Variants in DCLK1 observed in about 807,000 individuals in gnomAD.
DCLK1 encodes serine/threonine-protein kinase DCLK1.
In DCLK1, 16 loss-of-function variants were observed where a neutral mutation model predicts 86.2. The ratio of observed to expected loss-of-function variants is 0.19; its 90% CI spans 0.13 to 0.28. DCLK1 has a LOEUF of 0.28. Ranked by LOEUF, DCLK1 falls within the 10% of genes least tolerant of loss-of-function variation. The pLI, the probability that DCLK1 is intolerant of heterozygous loss-of-function variation, is 1.00. For missense variants in DCLK1, 590 were observed against 940.2 expected, an observed-to-expected ratio of 0.63 and a Z score of 4.87; for synonymous variants, 369 against 370.5, an observed-to-expected ratio of 1.00 and a Z score of 0.05.
intron 4 of DCLK1, among the ~76,000 whole-genome samples, chr13:35,888,192 T>A (rs1459888693): frequency 6.6e-6 from 1 of 152,188 alleles, no homozygotes; most frequent in Non-Finnish European, 1.5e-5. Context: ...TGACTTTCCT[T>A]TTAATGAGAA....
intron 11 of DCLK1, among the ~76,000 whole-genome samples, chr13:35,812,621 C>G (rs1227112021): frequency 4.6e-5 from 7 of 152,238 alleles, no homozygotes. Context: ...CTGGATCCAA[C>G]AGTTTTGGCA....
Position 36,112,115 on chromosome 13 carries a change from A to G in DCLK1, c.477T>C (p.Ala159=). Residue 159 remains alanine, a synonymous_variant, in exon 3 of 17, where the codon GCT becomes GCC. Transcript: ENST00000360631. ...NWSVNVKTTS[A]SRAVSSLATA... Reference sequence around the variant, plus strand: ...TGGCCAGTGAAGACACTGCCCGAGAAGCCGAGGTGGTCTTGACGTTCACCG... The same window carrying G: ...TGGCCAGTGAAGACACTGCCCGAGAGGCCGAGGTGGTCTTGACGTTCACCG... 6.2e-7 allele frequency: 1 copy of G among 1,614,018 alleles called. No individual in the cohort carries two copies. The highest frequency in any genetic ancestry group is 8.5e-7 in the Non-Finnish European group (1 of 1,179,900).
intron 3 of DCLK1, among the ~76,000 whole-genome samples, chr13:36,001,213 G>A (rs532342659): frequency 3.9e-4 from 60 of 152,292 alleles, no homozygotes; most frequent in Admixed American, 8.5e-4. Flanking sequence ...CTCCCAAAGT[G>A]CTGGGATTAT....
At chr13:35,899,340 T>A (rs900081248) in intron 4 of DCLK1, among the ~76,000 whole-genome samples, 1 of 96,812 alleles carries the variant, frequency 1.0e-5, no homozygotes, top group African/African-American at 3.5e-5. Flanking sequence ...GAAATACAAG[T>A]GTGTGTGTGT....
intron 2 of DCLK1, among the ~76,000 whole-genome samples, chr13:36,122,150 G>C (rs531127832): frequency 6.6e-6 from 1 of 152,248 alleles, no homozygotes; most frequent in South Asian, 2.1e-4. Flanking sequence ...AGGAAAAGAT[G>C]GGTAACCCAG....
intron 13 of DCLK1, 155 bp from the exon 14 acceptor site, chr13:35,808,475 T>A (rs1366548756): frequency 2.8e-6 from 2 of 721,950 alleles, no homozygotes; most frequent in Non-Finnish European, 4.6e-6. Flanking sequence ...GTGGATCTGT[T>A]TTGGTAAATT....
chr13:35,886,858 C>A (rs912076099), intron 4 of DCLK1, among the ~76,000 whole-genome samples: 9 of 152,070 alleles, frequency 5.9e-5, no homozygotes, highest in African/African-American at 2.2e-4. Context: ...TTTAGAAAAC[C>A]TGGAGACAAA....
chr13:35,894,141 CA>C (rs112177686), intron 4 of DCLK1, among the ~76,000 whole-genome samples: 12 of 148,944 alleles, frequency 8.1e-5, no homozygotes, highest in Admixed American at 2.7e-4. Context: ...AACAAACAAA[CA>C]AAAAAAAAAC....
chr13:36,042,136 A>T (rs1232835909), intron 3 of DCLK1, among the ~76,000 whole-genome samples: 2 of 152,184 alleles, frequency 1.3e-5, no homozygotes. Context: ...CAAGGCAAGG[A>T]TGGATCACAC....
chr13:35,863,407 CA>C (rs1160169663), intron 5 of DCLK1, among the ~76,000 whole-genome samples: 2 of 152,158 alleles, frequency 1.3e-5, no homozygotes, highest in African/African-American at 4.8e-5. Flanking sequence ...GAAATTTATA[CA>C]AGCAGTTGAT....
intron 3 of DCLK1, among the ~76,000 whole-genome samples, chr13:35,968,512 C>T (rs1236166970): frequency 2.0e-5 from 3 of 152,166 alleles, no homozygotes; most frequent in African/African-American, 2.4e-5. Context: ...CTTGCAATTA[C>T]TACTGTCTAC....
intron 1 of DCLK1, among the ~76,000 whole-genome samples, chr13:36,126,907 C>T (rs934749667): frequency 1.3e-5 from 2 of 152,212 alleles, no homozygotes; most frequent in African/African-American, 4.8e-5. Flanking sequence ...CTAAATTGCT[C>T]CAAGTAATAC....
intron 3 of DCLK1, among the ~76,000 whole-genome samples, chr13:36,093,150 C>T (rs1288566061): frequency 2.0e-5 from 3 of 152,178 alleles, no homozygotes; most frequent in Admixed American, 1.3e-4. Context: ...CTACATCAAA[C>T]CTTCATTATG....
chr13:36,098,827 C>T (rs912028899), intron 3 of DCLK1, among the ~76,000 whole-genome samples: 4 of 152,106 alleles, frequency 2.6e-5, no homozygotes, highest in Admixed American at 6.6e-5. Context: ...AGTGCAGGCT[C>T]ATAAAACTGA....
chr13:35,849,421 G>A, intron 6 of DCLK1: 3 of 985,164 alleles, frequency 3.0e-6, no homozygotes, highest in Non-Finnish European at 3.6e-6. Flanking sequence ...ATCACCTACT[G>A]AGATATGTCA....
At position 35,770,534 on chromosome 13, in the gene DCLK1, C is replaced by T. The variant is rs1413501251; in HGVS notation, c.*4001G>A. ...AGGGTCTGTGTGAGAGTATTTTCCC[C>T]AAACTCCTAATGGACATGGCAGACA... On this transcript the variant is annotated 3_prime_UTR_variant, in exon 17 of 17. Transcript: ENST00000360631. 6.6e-6 allele frequency: 1 copy of T among 152,082 alleles called. No homozygotes were observed. Among genetic ancestry groups the T allele is most frequent in the Non-Finnish European group, 1.5e-5 (1 of 68,030 alleles). 9.4% of individuals were successfully genotyped at this position (152,082 alleles called of 1,614,324 possible).
chr13:35,925,261 C>T (rs993193070), intron 4 of DCLK1, among the ~76,000 whole-genome samples: 1 of 152,196 alleles, frequency 6.6e-6, no homozygotes, highest in Admixed American at 6.5e-5. Context: ...CTGCTACGGG[C>T]ATCTTGGGTC....
chr13:35,991,076 G>A (rs1002673555), intron 3 of DCLK1, among the ~76,000 whole-genome samples: 1 of 152,034 alleles, frequency 6.6e-6, no homozygotes, highest in Admixed American at 6.6e-5. Context: ...AAGCAGAAAT[G>A]GGATGGTCAC....
At chr13:35,963,585 A>G (rs1878572837) in intron 3 of DCLK1, among the ~76,000 whole-genome samples, 1 of 152,202 alleles carries the variant, frequency 6.6e-6, no homozygotes. Context: ...AAGTAGTTAA[A>G]TTATTATCAC....
Sources: allele counts gnomAD v4.1 joint callset (sites outside exome capture counted in the v4.1 genomes callset), GRCh38; gene constraint gnomAD v4.1.1; transcripts MANE v1.5; gene names NCBI Gene and HGNC (gene_info 2026-07-23, HGNC 2026-07-21).